The following IL1R2 variants were observed in gnomAD, a reference collection of about 807,000 sequenced individuals.
The protein encoded by IL1R2 is interleukin 1 receptor type 2.
In IL1R2, 46 loss-of-function variants were observed where a neutral mutation model predicts 39.5. That is an observed-to-expected ratio of 1.16 (90% CI 0.92 to 1.49). The LOEUF (loss-of-function observed/expected upper bound fraction) is 1.49. IL1R2 is among the 40% of genes most tolerant of loss of function. IL1R2 has a pLI of 0.00. For synonymous variants in IL1R2, 207 were observed against 189.6 expected (o/e 1.09, Z -0.75); for missense variants, 537 against 502.0 (o/e 1.07, Z -0.67).
At chr2:102,009,440 T>A in intron 2 of IL1R2, 122 bp from the exon 3 acceptor site, 1 of 1,092,554 alleles carries the variant, frequency 9.2e-7, no homozygotes, top group Admixed American at 2.3e-5. Flanking sequence ...ACAAATGACA[T>A]CTTTCTCAAA....
At chr2:102,001,303 G>A (rs559437918) in intron 1 of IL1R2, among the ~76,000 whole-genome samples, 5 of 152,318 alleles carry the variant, frequency 3.3e-5, no homozygotes, top group Non-Finnish European at 7.3e-5. Context: ...TAAAGAGAGC[G>A]CCTATGCCTT....
At chr2:102,015,727 C>T (rs1676952734) in intron 3 of IL1R2, 144 bp from the exon 4 acceptor site, 1 of 653,446 alleles carries the variant, frequency 1.5e-6, no homozygotes, top group Admixed American at 2.9e-5. Context: ...CTAAGTTGAA[C>T]CATCTTATGT....
intron 5 of IL1R2, 74 bp downstream of exon 5, chr2:102,019,886 C>T (rs2072479): frequency 0.13 from 166,812 of 1,276,546 alleles, 12,983 homozygotes; most frequent in East Asian, 0.31. Context: ...TGACGGTGCA[C>T]GTAGAATTCC....
At chr2:102,018,968 T>C (rs1279872168) in intron 4 of IL1R2, among the ~76,000 whole-genome samples, 1 of 152,226 alleles carries the variant, frequency 6.6e-6, no homozygotes, top group Non-Finnish European at 1.5e-5. Context: ...TATTTGACTG[T>C]TGCAAACGTT....
At position 102,028,110 on chromosome 2, in the gene IL1R2, A is replaced by G. The variant is rs75515637; in HGVS notation, c.1031-116A>G. Reference sequence around the variant, plus strand: ...ATGTGCTTTCTGAAAATCAATGCACATTTATCAAGAAAAACAAACTCCAAT... The same window carrying G: ...ATGTGCTTTCTGAAAATCAATGCACGTTTATCAAGAAAAACAAACTCCAAT... On this transcript the variant is annotated intron_variant, in intron 8 of 8. Coordinates refer to ENST00000332549, the MANE Select transcript of IL1R2 (RefSeq NM_004633.4). 9.4e-6 allele frequency: 8 copies of G among 854,794 alleles called. No homozygotes were observed. The Admixed American group carries it at 1.2e-4, about 13-fold the overall frequency. The allele number at this position is 854,794 out of a possible 1,614,324, so 53.0% of individuals were successfully genotyped here. A position where few individuals can be genotyped will look rare whatever the true frequency, so the allele number is the denominator to read the frequency against.
chr2:102,015,205 C>A (rs922316615), intron 3 of IL1R2, among the ~76,000 whole-genome samples: 32 of 152,002 alleles, frequency 2.1e-4, no homozygotes, highest in Non-Finnish European at 1.2e-4. Context: ...TTGGAGTATG[C>A]GGGGGCTGGG....
At chr2:102,019,124 T>A (rs369072846) in intron 4 of IL1R2, among the ~76,000 whole-genome samples, 4 of 152,192 alleles carry the variant, frequency 2.6e-5, no homozygotes, top group South Asian at 2.1e-4. Flanking sequence ...GAACCTTGTG[T>A]CCATATAAAA....
At position 102,019,780 on chromosome 2, in the gene IL1R2, A is replaced by C. The variant is rs375907194; in HGVS notation, c.656A>C (p.Asn219Thr). ...TTTGCCCATGAAGGCCAGCAATACA[A>C]CATCACTAGGAGTATTGAGCTACGC... ...LTFAHEGQQY[N>T]ITRSIELRIK... The change falls in exon 5 of 9, where the codon AAC becomes ACC. Residue 219 changes from asparagine to threonine, a missense_variant. By Grantham distance (65) the Asn-to-Thr change is moderately conservative. Coordinates refer to ENST00000332549, the MANE Select transcript of IL1R2 (RefSeq NM_004633.4). 1 of 1,614,174 alleles carries C rather than the reference A, an allele frequency of 6.2e-7. No individual in the cohort carries two copies. Among genetic ancestry groups the C allele is most frequent in the East Asian group, 2.2e-5 (1 of 44,884 alleles).
At chr2:102,015,777 G>C in intron 3 of IL1R2, 94 bp from the exon 4 acceptor site, 1 of 1,014,996 alleles carries the variant, frequency 9.9e-7, no homozygotes, top group Non-Finnish European at 1.5e-6. Flanking sequence ...TGCAGATGCA[G>C]ATTTTAATAG....
chr2:102,022,158 G>C (rs368745591), intron 5 of IL1R2, 29 bp from the exon 6 acceptor site: 5 of 1,583,498 alleles, frequency 3.2e-6, no homozygotes, highest in Admixed American at 1.7e-5. Context: ...CTTTCCTAAC[G>C]GAATCTCTTT....
chr2:102,013,554 G>GAAAAAAAAAAAAAAAAAAAA (rs1577711343), intron 3 of IL1R2, among the ~76,000 whole-genome samples: 6 of 31,636 alleles, frequency 1.9e-4, no homozygotes, highest in African/African-American at 2.9e-4. Context: ...AAAAAAAAAG[G>GAAAAAAAAAAAAAAAAAAAA]AAAGAAAGAA....
intron 5 of IL1R2, among the ~76,000 whole-genome samples, chr2:102,021,305 CTTTT>C (rs546019141): frequency 7.3e-5 from 9 of 122,848 alleles, no homozygotes; most frequent in Admixed American, 6.8e-4. Context: ...CTTTTCTTTT[CTTTT>C]TTTTTTTTTT....
At chr2:102,018,403 C>A (rs1283886162) in intron 4 of IL1R2, among the ~76,000 whole-genome samples, 1 of 152,212 alleles carries the variant, frequency 6.6e-6, no homozygotes, top group Non-Finnish European at 1.5e-5. Flanking sequence ...CCTCTCGAAC[C>A]TGTTTCCTCT....
intron 6 of IL1R2, 70 bp downstream of exon 6, chr2:102,022,319 G>C: frequency 7.5e-7 from 1 of 1,333,808 alleles, no homozygotes; most frequent in Non-Finnish European, 1.1e-6. Context: ...CAGGGGGCTT[G>C]GGACCCTTGC....
At chr2:102,025,018 A>T (rs114320536) in intron 7 of IL1R2, among the ~76,000 whole-genome samples, 187 of 152,214 alleles carry the variant, frequency 1.2e-3, no homozygotes, top group African/African-American at 4.3e-3. Context: ...ATTTTCATAA[A>T]CCCTTAAAAA....
chr2:102,014,268 C>G (rs1469441634), intron 3 of IL1R2, among the ~76,000 whole-genome samples: 3 of 152,134 alleles, frequency 2.0e-5, no homozygotes, highest in Non-Finnish European at 4.4e-5. Context: ...GTACACCTAC[C>G]TTTTTCATAT....
At chr2:101,993,769 C>G in intron 1 of IL1R2, among the ~76,000 whole-genome samples, 1 of 152,186 alleles carries the variant, frequency 6.6e-6, no homozygotes, top group East Asian at 1.9e-4. Flanking sequence ...TAGAGCCCTT[C>G]AGGACTCCTC....
intron 5 of IL1R2, among the ~76,000 whole-genome samples, chr2:102,021,308 T>TTC (rs1166941195): frequency 4.7e-5 from 7 of 148,792 alleles, no homozygotes; most frequent in East Asian, 4.0e-4. Context: ...TTCTTTTCTT[T>TTC]TTTTTTTTTT....
intron 1 of IL1R2, among the ~76,000 whole-genome samples, chr2:101,993,002 T>G (rs1377675346): frequency 2.0e-5 from 3 of 152,146 alleles, no homozygotes; most frequent in African/African-American, 7.2e-5. Flanking sequence ...CTTCCATGAT[T>G]CTAGGCCACA....
Sources: allele counts gnomAD v4.1 joint callset (sites outside exome capture counted in the v4.1 genomes callset), GRCh38; gene constraint gnomAD v4.1.1; transcripts MANE v1.5; gene names NCBI Gene and HGNC (gene_info 2026-07-23, HGNC 2026-07-21).